Variants in RASAL2 observed in about 807,000 individuals in gnomAD.
The protein encoded by RASAL2 is RAS protein activator like 2, also known as ras GTPase-activating protein nGAP.
In RASAL2, 58 loss-of-function variants were observed where a neutral mutation model predicts 128.9. The observed-to-expected ratio is 0.45, with a 90% CI of 0.36 to 0.56. The LOEUF is 0.56. Ranked by LOEUF, RASAL2 falls within the 20% of genes least tolerant of loss-of-function variation. The pLI, the probability that RASAL2 is intolerant of heterozygous loss-of-function variation, is 0.00. For missense variants in RASAL2, 1,360 were observed against 1,601.6 expected (o/e 0.85, Z 2.57); for synonymous variants, 561 against 580.8 (o/e 0.97, Z 0.49).
intron 1 of RASAL2, among the ~76,000 whole-genome samples, chr1:178,110,276 C>T (rs888101348): frequency 5.9e-5 from 9 of 151,880 alleles, no homozygotes. Context: ...ATTTTATGGA[C>T]ATTAATCCCT....
chr1:178,309,557 A>G (rs10913532), intron 3 of RASAL2, among the ~76,000 whole-genome samples: 38,048 of 152,036 alleles, frequency 0.25, 7,523 homozygotes, highest in African/African-American at 0.55. Flanking sequence ...TAAGATTTGG[A>G]AGGATGTATG....
At chr1:178,228,353 A>G (rs1331921663) in intron 1 of RASAL2, among the ~76,000 whole-genome samples, 5 of 152,128 alleles carry the variant, frequency 3.3e-5, no homozygotes, top group Non-Finnish European at 7.4e-5. Flanking sequence ...ACGCCGAGGC[A>G]GGTGGTTCAC....
chr1:178,382,103 T>G (rs551464632), intron 3 of RASAL2, among the ~76,000 whole-genome samples: 2 of 152,342 alleles, frequency 1.3e-5, no homozygotes, highest in South Asian at 4.1e-4. Context: ...CTTATCTAAG[T>G]ACTTATCTCC....
At chr1:178,286,174 A>T (rs555900775) in intron 2 of RASAL2, among the ~76,000 whole-genome samples, 5 of 152,218 alleles carry the variant, frequency 3.3e-5, no homozygotes, top group Admixed American at 3.3e-4. Context: ...TTCCAGGTTC[A>T]TCATCAGCAA....
intron 5 of RASAL2, among the ~76,000 whole-genome samples, chr1:178,430,779 T>A (rs1675834124): frequency 6.6e-6 from 1 of 152,046 alleles, no homozygotes; most frequent in Non-Finnish European, 1.5e-5. Flanking sequence ...TTCTAGCTGA[T>A]GTGAATATGT....
chr1:178,312,729 A>G (rs931886325), intron 3 of RASAL2, among the ~76,000 whole-genome samples: 2 of 152,216 alleles, frequency 1.3e-5, no homozygotes, highest in African/African-American at 4.8e-5. Context: ...CACAAAATTG[A>G]TAAGTTAACT....
chr1:178,138,954 C>T (rs930948977), intron 1 of RASAL2, among the ~76,000 whole-genome samples: 2 of 151,842 alleles, frequency 1.3e-5, no homozygotes, highest in Non-Finnish European at 2.9e-5. Context: ...ATATAATACC[C>T]TTTGTCTGTG....
At chr1:178,311,079 T>G (rs1363904298) in intron 3 of RASAL2, among the ~76,000 whole-genome samples, 2 of 152,132 alleles carry the variant, frequency 1.3e-5, no homozygotes, top group African/African-American at 2.4e-5. Flanking sequence ...GTAGGAATGA[T>G]TTTTAGATTC....
intron 3 of RASAL2, among the ~76,000 whole-genome samples, chr1:178,352,503 G>A (rs1233989704): frequency 6.6e-6 from 1 of 152,188 alleles, no homozygotes; most frequent in Non-Finnish European, 1.5e-5. Context: ...CCCATGTGCT[G>A]TTCTCTTGGG....
chr1:178,298,260 T>A (rs755356034), intron 2 of RASAL2, among the ~76,000 whole-genome samples: 3 of 152,192 alleles, frequency 2.0e-5, no homozygotes, highest in Non-Finnish European at 4.4e-5. Context: ...TTGTGAAGTT[T>A]TATATTACAG....
At chr1:178,181,795 A>G (rs1430048740) in intron 1 of RASAL2, among the ~76,000 whole-genome samples, 3 of 150,736 alleles carry the variant, frequency 2.0e-5, no homozygotes, top group Non-Finnish European at 3.0e-5. Flanking sequence ...TTTTTTAATC[A>G]TAGTTAGACT....
At chr1:178,437,283 C>T (rs1335030278) in intron 5 of RASAL2, among the ~76,000 whole-genome samples, 1 of 152,092 alleles carries the variant, frequency 6.6e-6, no homozygotes, top group Non-Finnish European at 1.5e-5. Context: ...ACCTGGAAAA[C>T]ATTTATTCAA....
chr1:178,315,684 A>G (rs1200044286), intron 3 of RASAL2, among the ~76,000 whole-genome samples: 1 of 145,820 alleles, frequency 6.9e-6, no homozygotes, highest in Non-Finnish European at 1.5e-5. Context: ...TAGATTCTGG[A>G]TATTAGCCCT....
chr1:178,454,598 C>T lies in RASAL2; in HGVS notation c.2161C>T (p.Leu721Phe). 1 of 1,613,884 alleles carries T rather than the reference C, an allele frequency of 6.2e-7. No individual in the cohort carries two copies. Among genetic ancestry groups the T allele is most frequent in the Non-Finnish European group, 8.5e-7 (1 of 1,179,836 alleles). The change falls in exon 12 of 18, where the codon CTT becomes TTT. Residue 721 changes from leucine to phenylalanine, a missense_variant. Physicochemically the swap from Leu to Phe is conservative, Grantham distance 22. Coordinates refer to ENST00000367649, the MANE Select transcript of RASAL2 (RefSeq NM_170692.4). ...TGGTTACATTGATCTGGGCCGAGAG[C>T]TTTCAGTTTTGCATTCCTTACTGTG... Reference protein sequence around the residue: ...FDGYIDLGRELSVLHSLLWEV... With the variant: ...FDGYIDLGREFSVLHSLLWEV...
intron 1 of RASAL2, among the ~76,000 whole-genome samples, chr1:178,193,794 A>G (rs1272454700): frequency 6.6e-6 from 1 of 152,026 alleles, no homozygotes. Flanking sequence ...TTTGGTGAAT[A>G]TAAAACATTT....
At chr1:178,372,050 C>T in intron 3 of RASAL2, 1 of 544,934 alleles carries the variant, frequency 1.8e-6, no homozygotes, top group Non-Finnish European at 2.3e-6. Context: ...CCCCCTCCCC[C>T]TGGTTGTATT....
chr1:178,184,069 TG>T (rs1662208555), intron 1 of RASAL2, among the ~76,000 whole-genome samples: 1 of 152,166 alleles, frequency 6.6e-6, no homozygotes, highest in Non-Finnish European at 1.5e-5. Context: ...GATCATTTTT[TG>T]TATGCATATT....
chr1:178,098,237 G>A (rs1348792342), intron 1 of RASAL2, among the ~76,000 whole-genome samples: 2 of 152,184 alleles, frequency 1.3e-5, no homozygotes, highest in African/African-American at 4.8e-5. Context: ...AGTGTCTGTT[G>A]TATGTTGATC....
intron 14 of RASAL2, among the ~76,000 whole-genome samples, chr1:178,461,880 G>A (rs1026788886): frequency 6.6e-6 from 1 of 152,208 alleles, no homozygotes; most frequent in African/African-American, 2.4e-5. Flanking sequence ...AGCAAGGAAC[G>A]AGGAACTGGC....
Sources: allele counts gnomAD v4.1 joint callset (sites outside exome capture counted in the v4.1 genomes callset), GRCh38; gene constraint gnomAD v4.1.1; transcripts MANE v1.5; gene names NCBI Gene and HGNC (gene_info 2026-07-23, HGNC 2026-07-21).